XPR1: variants seen among roughly 807,000 people sequenced by gnomAD.
XPR1 encodes xenotropic and polytropic retrovirus receptor 1, also known as solute carrier family 53 member 1.
XPR1 carries 28 observed loss-of-function variants against 87.5 expected under a neutral mutation model. The observed-to-expected ratio is 0.32, with a 90% CI of 0.24 to 0.44. The LOEUF is 0.44. Ranked by LOEUF, XPR1 falls within the 20% of genes least tolerant of loss-of-function variation. XPR1 has a pLI of 1.00. For synonymous variants in XPR1, 300 were observed against 306.1 expected (o/e 0.98, Z 0.21); for missense variants, 559 against 862.3 (o/e 0.65, Z 4.41).
chr1:180,872,559 G>A (rs1456673944), intron 12 of XPR1, among the ~76,000 whole-genome samples: 1 of 85,248 alleles, frequency 1.2e-5, no homozygotes, highest in African/African-American at 4.8e-5. Flanking sequence ...CGCAATATTC[G>A]GGTGGGAGTG....
chr1:180,765,989 A>C (rs1331476697), intron 2 of XPR1, among the ~76,000 whole-genome samples: 1 of 152,134 alleles, frequency 6.6e-6, no homozygotes, highest in Non-Finnish European at 1.5e-5. Flanking sequence ...AAGAAAAAAC[A>C]AAAGACACCG....
At chr1:180,751,949 G>A (rs1647550251) in intron 2 of XPR1, among the ~76,000 whole-genome samples, 1 of 152,104 alleles carries the variant, frequency 6.6e-6, no homozygotes, top group Non-Finnish European at 1.5e-5. Context: ...TGTCTAAGGG[G>A]AATAAACGTG....
chr1:180,804,769 A>G (rs1048746176), intron 4 of XPR1, among the ~76,000 whole-genome samples: 49 of 152,276 alleles, frequency 3.2e-4, no homozygotes, highest in African/African-American at 1.2e-3. Flanking sequence ...GTAAGAAAAC[A>G]ATTTAGTAGA....
At chr1:180,743,722 T>C (rs1571790056) in intron 2 of XPR1, among the ~76,000 whole-genome samples, 1 of 152,308 alleles carries the variant, frequency 6.6e-6, no homozygotes, top group South Asian at 2.1e-4. Context: ...GAGATTATCT[T>C]TATTTCACCT....
chr1:180,695,849 T>C (rs1466437209), intron 2 of XPR1, among the ~76,000 whole-genome samples: 1 of 152,202 alleles, frequency 6.6e-6, no homozygotes, highest in Admixed American at 6.6e-5. Flanking sequence ...TAGTATACTT[T>C]GAAGTCAGGT....
At chr1:180,659,163 T>C (rs1204570268) in intron 1 of XPR1, among the ~76,000 whole-genome samples, 1 of 123,740 alleles carries the variant, frequency 8.1e-6, no homozygotes, top group African/African-American at 3.1e-5. Context: ...TTCCCATCAG[T>C]GTTCACTAGG....
At chr1:180,840,697 A>T (rs866239518) in intron 11 of XPR1, among the ~76,000 whole-genome samples, 3 of 138,690 alleles carry the variant, frequency 2.2e-5, no homozygotes, top group African/African-American at 7.5e-5. Flanking sequence ...TTGCTAAAAT[A>T]AAAAAAACCT....
chr1:180,703,232 A>T (rs1029007700), intron 2 of XPR1, among the ~76,000 whole-genome samples: 2 of 152,084 alleles, frequency 1.3e-5, no homozygotes, highest in Non-Finnish European at 2.9e-5. Context: ...GCATGTGTGG[A>T]TGCCAGCAGT....
At chr1:180,646,745 T>C (rs961004332) in intron 1 of XPR1, among the ~76,000 whole-genome samples, 5 of 152,010 alleles carry the variant, frequency 3.3e-5, no homozygotes, top group Non-Finnish European at 5.9e-5. Context: ...CCGAGACAAA[T>C]GCGCAGTGCA....
chr1:180,803,597 C>G lies in XPR1; in HGVS notation c.433C>G (p.Leu145Val). Residue 145 changes from leucine (L) to valine (V), a missense_variant, in exon 4 of 15, where the codon CTG becomes GTG. Physicochemically the swap from Leu to Val is conservative, Grantham distance 32. This residue lies in a region of XPR1 where 159 missense variants were observed against 263.3 expected (regional missense o/e 0.60). Coordinates refer to ENST00000367590, the MANE Select transcript of XPR1 (RefSeq NM_004736.4). ...FSEFYLSLIL[L>V]QNYQNLNFTG... is the part of the protein sequence containing the mutation. ...TGAGTTCTACCTCAGTCTAATCCTG[C>G]TGCAGAACTATCAGGTACTTAGATT... 1 of 1,611,754 alleles carries G rather than the reference C, an allele frequency of 6.2e-7. No individual in the cohort carries two copies. The highest frequency in any genetic ancestry group is 8.5e-7 in the Non-Finnish European group (1 of 1,179,314).
intron 12 of XPR1, among the ~76,000 whole-genome samples, chr1:180,866,625 T>G (rs1652401008): frequency 6.6e-6 from 1 of 152,116 alleles, no homozygotes; most frequent in African/African-American, 2.4e-5. Context: ...GAATGTGGAT[T>G]TACCCAAAAA....
intron 1 of XPR1, among the ~76,000 whole-genome samples, chr1:180,635,328 C>T (rs540731960): frequency 1.9e-4 from 29 of 152,148 alleles, no homozygotes; most frequent in African/African-American, 7.0e-4. Flanking sequence ...TTTGTAAGAG[C>T]TTTTTTAAAA....
chr1:180,676,040 C>A (rs954759989), intron 1 of XPR1, among the ~76,000 whole-genome samples: 1 of 152,136 alleles, frequency 6.6e-6, no homozygotes, highest in Non-Finnish European at 1.5e-5. Flanking sequence ...AAATTTGATT[C>A]AGTTTTATAA....
intron 2 of XPR1, among the ~76,000 whole-genome samples, chr1:180,706,642 C>T (rs999103266): frequency 4.0e-5 from 6 of 151,798 alleles, no homozygotes; most frequent in African/African-American, 7.3e-5. Flanking sequence ...GGCAGAGTCT[C>T]GCACTGTCAC....
At chr1:180,845,321 C>T (rs185223361) in intron 11 of XPR1, among the ~76,000 whole-genome samples, 32 of 151,994 alleles carry the variant, frequency 2.1e-4, no homozygotes, top group Admixed American at 4.6e-4. Flanking sequence ...CAACTTTTTC[C>T]TAAATAGAGA....
At chr1:180,745,753 T>C (rs1266560927) in intron 2 of XPR1, among the ~76,000 whole-genome samples, 1 of 152,236 alleles carries the variant, frequency 6.6e-6, no homozygotes, top group Admixed American at 6.5e-5. Flanking sequence ...AAATACATGG[T>C]AAACTGACTG....
intron 1 of XPR1, among the ~76,000 whole-genome samples, chr1:180,679,127 G>A (rs1211006502): frequency 2.6e-5 from 4 of 152,060 alleles, no homozygotes; most frequent in African/African-American, 9.7e-5. Flanking sequence ...CCCAGGAGGC[G>A]GAGCTTGCAG....
chr1:180,876,049 A>G (rs112028928), intron 13 of XPR1, among the ~76,000 whole-genome samples: 3,099 of 152,286 alleles, frequency 0.02, 106 homozygotes, highest in African/African-American at 0.071. Context: ...TTGCACAAAG[A>G]AAACGCCAGG....
At chr1:180,825,409 A>G (rs1292022311) in intron 9 of XPR1, 65 bp downstream of exon 9, 2 of 1,508,750 alleles carry the variant, frequency 1.3e-6, no homozygotes, top group African/African-American at 2.8e-5. Flanking sequence ...CCTCTAAGAT[A>G]AAACCAAGGC....
Sources: allele counts gnomAD v4.1 joint callset (sites outside exome capture counted in the v4.1 genomes callset), GRCh38; gene constraint gnomAD v4.1.1; regional missense constraint gnomAD v4.1.1; transcripts MANE v1.5; gene names NCBI Gene and HGNC (gene_info 2026-07-23, HGNC 2026-07-21).